PKNOX2: variants seen among roughly 807,000 people sequenced by gnomAD.
The protein encoded by PKNOX2 is homeobox protein PKNOX2.
A neutral mutation model predicts 53.1 loss-of-function variants in PKNOX2; 14 were observed. The observed-to-expected ratio is 0.26, with a 90% confidence interval of 0.17 to 0.41. PKNOX2 has a LOEUF of 0.41. Ranked by LOEUF, PKNOX2 falls within the 10% of genes least tolerant of loss-of-function variation. PKNOX2 has a pLI of 1.00. For missense variants in PKNOX2, 496 were observed against 602.8 expected (o/e 0.82, Z 1.85); for synonymous variants, 257 against 242.8 (o/e 1.06, Z -0.54).
chr11:125,392,669 AT>A (rs1380413492), intron 6 of PKNOX2, among the ~76,000 whole-genome samples: 2 of 152,156 alleles, frequency 1.3e-5, no homozygotes, highest in Non-Finnish European at 2.9e-5. Flanking sequence ...GTATTTTCTG[AT>A]TTTATAAAGT....
chr11:125,430,206 C>G, intron 12 of PKNOX2, 65 bp downstream of exon 12: 5 of 1,543,652 alleles, frequency 3.2e-6, no homozygotes, highest in Non-Finnish European at 4.4e-6. Flanking sequence ...TTCTTCAGGT[C>G]AAGCCGTGCA....
rs187636879 is a variant in PKNOX2, at chr11:125,361,942, G to A, written c.88-5904G>A. The stretch of plus-strand genomic sequence containing the variant: ...GGGAGGGAATTTGACCCAGCAGTGA[G>A]CCACCTTCGATTAATAAACCAGCTG... On this transcript the variant is annotated intron_variant, in intron 4 of 12. Transcript: ENST00000298282. 1.4e-3 allele frequency among the ~76,000 whole-genome samples: 214 copies of A among 152,364 alleles called. 1 individual carries two copies. Among genetic ancestry groups the A allele is most frequent in the Non-Finnish European group, 2.7e-3 (187 of 68,040 alleles).
At chr11:125,300,511 C>T in intron 2 of PKNOX2, among the ~76,000 whole-genome samples, 1 of 152,154 alleles carries the variant, frequency 6.6e-6, no homozygotes, top group East Asian at 1.9e-4. Context: ...TTCCCAAGCC[C>T]AGGCTCTTAA....
At chr11:125,406,506 G>A (rs950123730) in intron 7 of PKNOX2, among the ~76,000 whole-genome samples, 11 of 152,154 alleles carry the variant, frequency 7.2e-5, no homozygotes, top group Non-Finnish European at 1.5e-4. Flanking sequence ...CCAACTGTAC[G>A]ACTCCCTAGT....
At chr11:125,295,571 T>C (rs1947603041) in intron 2 of PKNOX2, among the ~76,000 whole-genome samples, 1 of 152,178 alleles carries the variant, frequency 6.6e-6, no homozygotes, top group Non-Finnish European at 1.5e-5. Context: ...CACAGTGAAC[T>C]GGAGGACACA....
Position 125,431,463 on chromosome 11 carries a change from GGAA to G in PKNOX2, c.*73_*75del. ...CGCCGGGAGGCCTTCAGGGTGGGGG[GGAA>G]GGGGACATGGGCAGGAAGCACCGAG... On this transcript the variant is annotated 3_prime_UTR_variant, in exon 13 of 13. Transcript: ENST00000298282. 1 of 331,434 alleles carries G rather than the reference GGAA, an allele frequency of 3.0e-6. No individual in the cohort carries two copies. Among genetic ancestry groups the G allele is most frequent in the Non-Finnish European group, 6.1e-6 (1 of 164,596 alleles). 20.5% of individuals were successfully genotyped at this position (331,434 alleles called of 1,614,324 possible).
At chr11:125,254,794 G>T (rs1944286982) in intron 2 of PKNOX2, among the ~76,000 whole-genome samples, 1 of 151,636 alleles carries the variant, frequency 6.6e-6, no homozygotes, top group East Asian at 1.9e-4. Flanking sequence ...TAACATTGAT[G>T]ACGGTGTCCA....
chr11:125,367,727 C>A, intron 4 of PKNOX2, 119 bp from the exon 5 acceptor site: 1 of 1,089,236 alleles, frequency 9.2e-7, no homozygotes, highest in Non-Finnish European at 1.3e-6. Context: ...GCTCACAGTT[C>A]TCTTGGCCTC....
At chr11:125,340,790 G>A (rs915544140) in intron 3 of PKNOX2, among the ~76,000 whole-genome samples, 1 of 152,044 alleles carries the variant, frequency 6.6e-6, no homozygotes, top group Non-Finnish European at 1.5e-5. Flanking sequence ...GGTGGCTCAC[G>A]CCCGTAATCC....
intron 4 of PKNOX2, among the ~76,000 whole-genome samples, chr11:125,354,288 C>T (rs1202342411): frequency 2.6e-5 from 4 of 152,198 alleles, no homozygotes; most frequent in Non-Finnish European, 4.4e-5. Context: ...GGGCCAGGCA[C>T]ACCAGGGAAT....
chr11:125,253,550 CT>C (rs1944171559), intron 2 of PKNOX2, among the ~76,000 whole-genome samples: 1 of 152,190 alleles, frequency 6.6e-6, no homozygotes. Context: ...AGAGCTAGGA[CT>C]TCCTTCCTCC....
At chr11:125,309,226 C>A (rs1948658727) in intron 2 of PKNOX2, among the ~76,000 whole-genome samples, 1 of 146,864 alleles carries the variant, frequency 6.8e-6, no homozygotes, top group African/African-American at 2.6e-5. Flanking sequence ...CTCTCTCTTT[C>A]TTCCTTCCTT....
At chr11:125,358,862 G>A (rs79234685) in intron 4 of PKNOX2, among the ~76,000 whole-genome samples, 1 of 152,238 alleles carries the variant, frequency 6.6e-6, no homozygotes, top group Non-Finnish European at 1.5e-5. Context: ...ACTGCGGGCA[G>A]GCATGGGAGC....
chr11:125,195,064 G>A lies in PKNOX2; in HGVS notation c.-201+30288G>A, dbSNP rs115380155. On this transcript the variant is annotated intron_variant, in intron 1 of 12. Transcript: ENST00000298282. ...CCCATCCAACATCACACAACCAGGA[G>A]TTTGGGAAGATGGGACTAGCACCCA... 2.4e-3 allele frequency among the ~76,000 whole-genome samples: 367 copies of A among 152,306 alleles called. 1 individual carries two copies. The highest frequency in any genetic ancestry group is 7.8e-3 in the African/African-American group (323 of 41,562).
intron 10 of PKNOX2, among the ~76,000 whole-genome samples, chr11:125,418,107 T>C (rs1955986369): frequency 6.6e-6 from 1 of 151,980 alleles, no homozygotes; most frequent in Non-Finnish European, 1.5e-5. Context: ...TCCAGAATAT[T>C]TTCATCACCC....
At chr11:125,425,296 C>G (rs1956356293) in intron 10 of PKNOX2, among the ~76,000 whole-genome samples, 1 of 152,246 alleles carries the variant, frequency 6.6e-6, no homozygotes, top group African/African-American at 2.4e-5. Context: ...AGGTCCTTTA[C>G]TCCCTGGCAG....
intron 2 of PKNOX2, among the ~76,000 whole-genome samples, chr11:125,322,207 CA>C (rs141262013): frequency 6.7e-6 from 1 of 150,084 alleles, no homozygotes; most frequent in Non-Finnish European, 1.5e-5. Flanking sequence ...GTGTCTTATT[CA>C]AAAAAAAACG....
At chr11:125,329,057 A>C (rs1031827045) in intron 2 of PKNOX2, among the ~76,000 whole-genome samples, 1 of 152,260 alleles carries the variant, frequency 6.6e-6, no homozygotes, top group Non-Finnish European at 1.5e-5. Context: ...AAGAATAGTC[A>C]TTATGTGTTT....
At chr11:125,200,730 G>GA (rs1938341192) in intron 1 of PKNOX2, among the ~76,000 whole-genome samples, 1 of 152,222 alleles carries the variant, frequency 6.6e-6, no homozygotes, top group Non-Finnish European at 1.5e-5. Context: ...TTTATTGTCT[G>GA]ACTTGCCCAT....
Sources: gnomAD v4.1 joint callset for allele counts (sites outside exome capture counted in the v4.1 genomes callset) on GRCh38, gnomAD v4.1.1 for gene constraint, MANE v1.5 for transcripts, NCBI Gene and HGNC (gene_info 2026-07-23, HGNC 2026-07-21) for gene names.